Variants in PISD observed in about 807,000 individuals in gnomAD.
The protein encoded by PISD is phosphatidylserine decarboxylase, also known as phosphatidylserine decarboxylase proenzyme, mitochondrial.
A neutral mutation model predicts 43.5 loss-of-function variants in PISD; 31 were observed. The observed-to-expected ratio is 0.71, with a 90% confidence interval of 0.54 to 0.96. The LOEUF (loss-of-function observed/expected upper bound fraction) is 0.96. Among genes scored for constraint, PISD ranks in the 40% least tolerant of loss-of-function variants. PISD has a pLI of 0.00. For synonymous variants in PISD, 259 were observed against 228.7 expected (o/e 1.13, Z -1.20); for missense variants, 523 against 548.4 (o/e 0.95, Z 0.46).
At chr22:31,624,608 A>G (rs2147645847) in intron 3 of PISD, among the ~76,000 whole-genome samples, 1 of 151,656 alleles carries the variant, frequency 6.6e-6, no homozygotes, top group Non-Finnish European at 1.5e-5. Context: ...CCTCCCCACC[A>G]CAAGCTCTCA....
At chr22:31,632,847 G>A (rs565081800) in intron 3 of PISD, among the ~76,000 whole-genome samples, 10 of 152,200 alleles carry the variant, frequency 6.6e-5, no homozygotes, top group South Asian at 6.2e-4. Context: ...TTAAAAGTTC[G>A]GTGATGTTTT....
rs2073696055 is a variant in PISD, at chr22:31,640,888, T to TTTTTTTTTTTTG, written c.321+7212_321+7213insCAAAAAAAAAAA. 2.4e-5 allele frequency among the ~76,000 whole-genome samples: 2 copies of TTTTTTTTTTTTG among 82,824 alleles called. 1 individual carries two copies. Among genetic ancestry groups the TTTTTTTTTTTTG allele is most frequent in the Non-Finnish European group, 4.7e-5 (2 of 42,894 alleles). 54.3% of individuals were successfully genotyped at this position (82,824 alleles called of 152,430 possible). A position where few individuals can be genotyped will look rare whatever the true frequency, so the allele number is the denominator to read the frequency against. On this transcript the variant is annotated intron_variant, in intron 3 of 7. Coordinates refer to ENST00000439502, the MANE Select transcript of PISD (RefSeq NM_001326411.2). ...GAGCCACCACACCCGGTGTTTTTTT[T>TTTTTTTTTTTTG]TTTTTTTTTTTTTTTTGAGATGGAG...
At position 31,619,420 on chromosome 22, in the gene PISD, T is replaced by G. The variant is rs14034; in HGVS notation, c.*192A>C. 9 of 680,368 alleles carry G rather than the reference T, an allele frequency of 1.3e-5. No individual in the cohort carries two copies. Among genetic ancestry groups the G allele is most frequent in the Admixed American group, 1.2e-4 (6 of 49,154 alleles). 42.1% of individuals were successfully genotyped at this position (680,368 alleles called of 1,614,324 possible). A position where few individuals can be genotyped will look rare whatever the true frequency, so the allele number is the denominator to read the frequency against. On this transcript the variant is annotated 3_prime_UTR_variant, in exon 8 of 8. Coordinates refer to ENST00000439502, the MANE Select transcript of PISD (RefSeq NM_001326411.2). ...GAACGGGATAGGTTGAGGGGCATGA[T>G]GGGGGCTCTCGCCACCTCTTGTCTG...
chr22:31,621,618 T>C, intron 4 of PISD, 31 bp downstream of exon 4: 6 of 1,605,388 alleles, frequency 3.7e-6, no homozygotes, highest in Non-Finnish European at 4.3e-6. Flanking sequence ...AAAAGTCCTG[T>C]TTCCTGCAGG....
At chr22:31,662,075 T>A in intron 1 of PISD, 69 bp downstream of exon 1, 7 of 1,388,390 alleles carry the variant, frequency 5.0e-6, no homozygotes, top group Non-Finnish European at 7.1e-6. Context: ...CACAGAAACA[T>A]CTCTCTTCAG....
intron 6 of PISD, 70 bp downstream of exon 6, chr22:31,620,926 C>A: frequency 2.0e-6 from 3 of 1,512,314 alleles, no homozygotes; most frequent in African/African-American, 1.4e-5. Context: ...GGTCCCCCAA[C>A]ACCAAGAAGC....
chr22:31,648,822 C>T (rs553603201), intron 2 of PISD, among the ~76,000 whole-genome samples: 40 of 152,180 alleles, frequency 2.6e-4, no homozygotes, highest in African/African-American at 9.2e-4. Context: ...TTACAATGCA[C>T]CTCAACTGCC....
intron 3 of PISD, chr22:31,623,810 C>T: frequency 1.9e-6 from 3 of 1,613,902 alleles, no homozygotes; most frequent in East Asian, 2.2e-5. Flanking sequence ...AGCTCAGCTG[C>T]CCCAGCCTCC....
chr22:31,640,402 G>A (rs138766332), intron 3 of PISD, among the ~76,000 whole-genome samples: 1,616 of 151,816 alleles, frequency 0.011, 9 homozygotes, highest in Middle Eastern at 0.031. Flanking sequence ...TCACCACGTT[G>A]CGCGGATTGG....
chr22:31,621,934 CAG>C, intron 3 of PISD, 49 bp from the exon 4 acceptor site: 1 of 1,391,014 alleles, frequency 7.2e-7, no homozygotes. Context: ...GCCCCAGCTC[CAG>C]AGAGCCCAAG....
At position 31,630,564 on chromosome 22, in the gene PISD, G is replaced by A. The variant is rs1265965336; in HGVS notation, c.322-8679C>T. On this transcript the variant is annotated intron_variant, in intron 3 of 7. Coordinates refer to ENST00000439502, the MANE Select transcript of PISD (RefSeq NM_001326411.2). This position sits in a 1 kb window ranked among gnomAD's most constrained non-coding sequence, Gnocchi z 4.4. ...TAAGATGTGGAGGAAGTGAGCTCAC[G>A]CAGCCCGGGCCGTGCCCACGTGGGG... is the stretch of plus-strand genomic sequence containing the variant. The A allele has an allele frequency of 1.3e-5, 3 of 223,494 alleles. No individual in the cohort carries two copies. The highest frequency in any genetic ancestry group is 2.2e-5 in the Non-Finnish European group (3 of 133,368). 13.8% of individuals were successfully genotyped at this position (223,494 alleles called of 1,614,324 possible). A position where few individuals can be genotyped will look rare whatever the true frequency, so the allele number is the denominator to read the frequency against.
chr22:31,630,269 T>C lies in PISD; in HGVS notation c.322-8384A>G, dbSNP rs1244914147. 6.6e-6 allele frequency among the ~76,000 whole-genome samples: 1 copy of C among 151,948 alleles called. No individual in the cohort carries two copies. The highest frequency in any genetic ancestry group is 1.5e-5 in the Non-Finnish European group (1 of 67,976). ...GACAGGGAACCTCCTCTCAGACAACTCTGGGTGCTGAGGGGAACCGGCTCT... is the reference window on the plus strand; with the variant it reads ...GACAGGGAACCTCCTCTCAGACAACCCTGGGTGCTGAGGGGAACCGGCTCT... On this transcript the variant is annotated intron_variant, in intron 3 of 7. Coordinates refer to ENST00000439502, the MANE Select transcript of PISD (RefSeq NM_001326411.2). The surrounding 1 kb of genome is among the most constrained non-coding windows in gnomAD (Gnocchi z 4.4).
chr22:31,662,191 C>G lies in PISD; in HGVS notation c.18G>C (p.Gly6=). The stretch of plus-strand genomic sequence containing the variant: ...CGTGCAGTAATCCCAGACATCGGTG[C>G]CCCACGGACGTCGCCATCTTGTCTG... MATSV[G]HRCLGLLHGV... Residue 6 remains glycine (G), a synonymous_variant, in exon 1 of 8, where the codon GGG becomes GGC. Coordinates refer to ENST00000439502, the MANE Select transcript of PISD (RefSeq NM_001326411.2). 1 of 1,605,080 alleles carries G rather than the reference C, an allele frequency of 6.2e-7. No homozygotes were observed. The highest frequency in any genetic ancestry group is 8.5e-7 in the Non-Finnish European group (1 of 1,179,784).
At chr22:31,636,120 G>A (rs1009742526) in intron 3 of PISD, among the ~76,000 whole-genome samples, 4 of 152,222 alleles carry the variant, frequency 2.6e-5, no homozygotes, top group South Asian at 2.1e-4. Context: ...GCCAGGACGC[G>A]TGCTGAGCAC....
At chr22:31,662,422 C>T, upstream of PISD, 2 of 577,730 alleles carry the variant, frequency 3.5e-6, no homozygotes, top group South Asian at 4.1e-5. Flanking sequence ...TAAACCTGGG[C>T]TTGGTCGCAG....
chr22:31,636,118 G>T (rs892595540), intron 3 of PISD, among the ~76,000 whole-genome samples: 1 of 152,204 alleles, frequency 6.6e-6, no homozygotes, highest in Non-Finnish European at 1.5e-5. Context: ...GCGCCAGGAC[G>T]CGTGCTGAGC....
At chr22:31,625,180 G>A (rs774033890) in intron 3 of PISD, among the ~76,000 whole-genome samples, 3 of 152,210 alleles carry the variant, frequency 2.0e-5, no homozygotes, top group Non-Finnish European at 2.9e-5. Context: ...GACGGCAGGC[G>A]AACCAGTGGC....
In PISD at chr22:31,621,634, A is replaced by G. The variant is rs2072584717; in HGVS notation, c.558+15T>C. ...AAAGTCCTGTTTCCTGCAGGAGGAAAGGGTCAGGCCTCACCACGCTGTGCA... is the reference window on the plus strand; with the variant it reads ...AAAGTCCTGTTTCCTGCAGGAGGAAGGGGTCAGGCCTCACCACGCTGTGCA... On this transcript the variant is annotated intron_variant, in intron 4 of 7. Transcript: ENST00000439502. 1 of 1,609,746 alleles carries G rather than the reference A, an allele frequency of 6.2e-7. No homozygotes were observed. The highest frequency in any genetic ancestry group is 8.5e-7 in the Non-Finnish European group (1 of 1,176,912).
intron 3 of PISD, among the ~76,000 whole-genome samples, chr22:31,637,149 AAAAAAAAAAAAAAAAATATATATAT>A (rs1290108204): frequency 1.2e-4 from 2 of 16,130 alleles, no homozygotes; most frequent in Non-Finnish European, 2.2e-4. Flanking sequence ...AAATTAAAAA[AAAAAAAAAAAAAAAAATATATATAT>A]ATATATATAT....
Sources: gnomAD v4.1 joint callset for allele counts (sites outside exome capture counted in the v4.1 genomes callset) on GRCh38, gnomAD v4.1.1 for gene constraint, Gnocchi (gnomAD v3.1) non-coding constraint, MANE v1.5 for transcripts, NCBI Gene and HGNC (gene_info 2026-07-23, HGNC 2026-07-21) for gene names.